Variants in PHACTR1 observed in about 807,000 individuals in gnomAD.
The protein encoded by PHACTR1 is RPEL repeat containing 1.
Under a neutral mutation model 69.2 loss-of-function variants are expected in PHACTR1, and 16 were observed. The observed-to-expected ratio is 0.23, with a 90% confidence interval of 0.16 to 0.35. The LOEUF (loss-of-function observed/expected upper bound fraction) is 0.35. Among genes scored for constraint, PHACTR1 ranks in the 10% least tolerant of loss-of-function variants. PHACTR1 has a pLI of 1.00. For missense variants in PHACTR1, 510 were observed against 734.7 expected, an observed-to-expected ratio of 0.69 and a Z score of 3.54; for synonymous variants, 312 against 284.5, an observed-to-expected ratio of 1.10 and a Z score of -0.97.
intron 4 of PHACTR1, among the ~76,000 whole-genome samples, chr6:12,913,994 G>T (rs1243990845): frequency 1.3e-5 from 2 of 151,810 alleles, no homozygotes; most frequent in Non-Finnish European, 2.9e-5. Flanking sequence ...TTTTGATAAG[G>T]AGTCTTGCTG....
Position 13,272,727 on chromosome 6 carries a change from A to C in PHACTR1, c.1392-133A>C, listed in dbSNP as rs559410094. 2.6e-4 allele frequency: 414 copies of C among 1,597,062 alleles called. 4 individuals are homozygous for C. The East Asian group carries it at 9.2e-3, about 36-fold the overall frequency. ...TGAGGAGGCGGTGGTGGCGAGAGTC[A>C]GTCTTTCAGAGCACAGGATGGAACA... On this transcript the variant is annotated intron_variant, in intron 10 of 14. Transcript: ENST00000332995.
chr6:12,748,635 G>GTGCAGGGGGCAT (rs1283115999), intron 3 of PHACTR1, among the ~76,000 whole-genome samples: 4 of 152,200 alleles, frequency 2.6e-5, no homozygotes, highest in African/African-American at 9.7e-5. Context: ...GCAGGGGGCA[G>GTGCAGGGGGCAT]TGCAGGCGTT....
At chr6:12,757,479 C>T (rs1029202981) in intron 4 of PHACTR1, among the ~76,000 whole-genome samples, 1 of 152,060 alleles carries the variant, frequency 6.6e-6, no homozygotes. Flanking sequence ...TTTAAAGGAT[C>T]ACTGGGGCTG....
chr6:12,935,755 C>A (rs2127534673), intron 4 of PHACTR1, among the ~76,000 whole-genome samples: 1 of 152,132 alleles, frequency 6.6e-6, no homozygotes, highest in South Asian at 2.1e-4. Flanking sequence ...AGGGCCCTTT[C>A]TTTCTTATTG....
At chr6:12,838,859 G>A (rs1045943893) in intron 4 of PHACTR1, among the ~76,000 whole-genome samples, 3 of 152,170 alleles carry the variant, frequency 2.0e-5, no homozygotes, top group Non-Finnish European at 4.4e-5. Context: ...TGTTTGATAA[G>A]CCTTATCTGC....
intron 4 of PHACTR1, among the ~76,000 whole-genome samples, chr6:12,812,010 C>A (rs1034703717): frequency 1.3e-5 from 2 of 151,842 alleles, no homozygotes; most frequent in African/African-American, 4.8e-5. Flanking sequence ...GGCAAATGCA[C>A]ATAACGTAAA....
intron 7 of PHACTR1, among the ~76,000 whole-genome samples, chr6:13,186,286 T>C (rs140225783): frequency 1.3e-3 from 193 of 152,374 alleles, no homozygotes; most frequent in African/African-American, 4.3e-3. Flanking sequence ...TGAATGTTGC[T>C]GTACGTATTG....
intron 4 of PHACTR1, among the ~76,000 whole-genome samples, chr6:12,819,800 C>T (rs924844188): frequency 6.6e-6 from 1 of 152,186 alleles, no homozygotes; most frequent in African/African-American, 2.4e-5. Flanking sequence ...ATTACTCTAA[C>T]ATCAAATGCG....
intron 4 of PHACTR1, among the ~76,000 whole-genome samples, chr6:13,022,282 C>T (rs1033748436): frequency 1.3e-4 from 20 of 152,180 alleles, no homozygotes; most frequent in Non-Finnish European, 2.4e-4. Flanking sequence ...GGACCTCCGA[C>T]GCCTCTACCT....
intron 4 of PHACTR1, among the ~76,000 whole-genome samples, chr6:12,881,838 G>C (rs1783127784): frequency 6.6e-6 from 1 of 152,190 alleles, no homozygotes; most frequent in African/African-American, 2.4e-5. Context: ...TGCCAGCAGA[G>C]AGTGAGAAAG....
At chr6:12,917,304 C>A (rs2127504991) in intron 4 of PHACTR1, among the ~76,000 whole-genome samples, 1 of 152,314 alleles carries the variant, frequency 6.6e-6, no homozygotes, top group Non-Finnish European at 1.5e-5. Flanking sequence ...TTTTCTCTAG[C>A]CAGTTAACAT....
intron 4 of PHACTR1, among the ~76,000 whole-genome samples, chr6:12,908,736 C>T (rs1203728250): frequency 1.3e-5 from 2 of 152,114 alleles, no homozygotes; most frequent in Non-Finnish European, 2.9e-5. Flanking sequence ...ACAGTGTGCT[C>T]ATGGAACTGC....
intron 8 of PHACTR1, among the ~76,000 whole-genome samples, chr6:13,209,505 C>T (rs1261226214): frequency 3.3e-5 from 5 of 152,232 alleles, no homozygotes; most frequent in Admixed American, 1.3e-4. Context: ...AAGAATGTCA[C>T]ACCATAGGCC....
chr6:12,908,986 T>A (rs192334286), intron 4 of PHACTR1, among the ~76,000 whole-genome samples: 1 of 152,068 alleles, frequency 6.6e-6, no homozygotes, highest in Non-Finnish European at 1.5e-5. Context: ...GAAGATGGCA[T>A]GAGGAGACGG....
chr6:13,130,942 C>T (rs975062740), intron 5 of PHACTR1, among the ~76,000 whole-genome samples: 1 of 151,972 alleles, frequency 6.6e-6, no homozygotes, highest in Non-Finnish European at 1.5e-5. Flanking sequence ...AATTGCATAT[C>T]AAAAAGATAA....
chr6:12,882,427 A>G (rs1490728828), intron 4 of PHACTR1, among the ~76,000 whole-genome samples: 3 of 152,142 alleles, frequency 2.0e-5, no homozygotes, highest in South Asian at 4.1e-4. Context: ...AATTTATCTC[A>G]TTACCATGCA....
intron 3 of PHACTR1, among the ~76,000 whole-genome samples, chr6:12,737,788 G>C (rs1488565909): frequency 6.6e-6 from 1 of 151,848 alleles, no homozygotes; most frequent in East Asian, 1.9e-4. Flanking sequence ...TAGAAACAAA[G>C]TTTCATTATG....
Position 13,273,062 on chromosome 6 carries a change from G to C in PHACTR1, c.1447+147G>C, listed in dbSNP as rs1001579079. On this transcript the variant is annotated intron_variant, in intron 11 of 14. Transcript: ENST00000332995. ...GTTGAAGCTTCATGTGTGCATGTTAGAACACCAAAGACGACCTCCCCAAAG... is the reference window on the plus strand; with the variant it reads ...GTTGAAGCTTCATGTGTGCATGTTACAACACCAAAGACGACCTCCCCAAAG... 4.2e-6 allele frequency: 5 copies of C among 1,186,994 alleles called. No individual in the cohort carries two copies. In the African/African-American group the frequency reaches 7.7e-5, roughly 18 times the overall value. The allele number at this position is 1,186,994 out of a possible 1,614,324, so 73.5% of individuals were successfully genotyped here.
chr6:12,734,398 C>G (rs1320386166), intron 3 of PHACTR1, among the ~76,000 whole-genome samples: 1 of 152,120 alleles, frequency 6.6e-6, no homozygotes, highest in Non-Finnish European at 1.5e-5. Context: ...TTGCCAAATA[C>G]TGCTTGAATT....
Sources: gnomAD v4.1 joint callset for allele counts (sites outside exome capture counted in the v4.1 genomes callset) on GRCh38, gnomAD v4.1.1 for gene constraint, MANE v1.5 for transcripts, NCBI Gene and HGNC (gene_info 2026-07-23, HGNC 2026-07-21) for gene names.